MYLK: variants seen among roughly 807,000 people sequenced by gnomAD.
MYLK encodes myosin light chain kinase, smooth muscle.
A neutral mutation model predicts 203.4 loss-of-function variants in MYLK; 106 were observed. The ratio of observed to expected loss-of-function variants is 0.52; its 90% CI spans 0.45 to 0.61. The LOEUF is 0.61. Ranked by LOEUF, MYLK falls within the 20% of genes least tolerant of loss-of-function variation. MYLK has a pLI of 0.00. For missense variants in MYLK, 2,072 were observed against 2,442.3 expected (o/e 0.85, Z 3.20); for synonymous variants, 867 against 959.5 (o/e 0.90, Z 1.78).
At chr3:123,813,086 C>A (rs565354019) in intron 3 of MYLK, among the ~76,000 whole-genome samples, 1 of 152,308 alleles carries the variant, frequency 6.6e-6, no homozygotes, top group South Asian at 2.1e-4. Context: ...GTAAACAGAG[C>A]CCACTCAGGC....
chr3:123,815,018 C>T (rs1485769601), intron 3 of MYLK, among the ~76,000 whole-genome samples: 1 of 152,130 alleles, frequency 6.6e-6, no homozygotes, highest in African/African-American at 2.4e-5. Context: ...GTCTTGAACT[C>T]CTGACCTCAG....
At chr3:123,812,436 T>C (rs1489866121) in intron 3 of MYLK, among the ~76,000 whole-genome samples, 2 of 152,214 alleles carry the variant, frequency 1.3e-5, no homozygotes, top group Non-Finnish European at 2.9e-5. Flanking sequence ...CTTGCTCAGG[T>C]GTCCTCTCCA....
chr3:123,711,049 C>A (rs1160311800), intron 13 of MYLK, among the ~76,000 whole-genome samples: 1 of 151,924 alleles, frequency 6.6e-6, no homozygotes, highest in Non-Finnish European at 1.5e-5. Context: ...CATGATCACA[C>A]CACTGCACTC....
rs575029238 is a variant in MYLK at position 123,726,991 on chromosome 3, T to A, written c.1517-913A>T. 2.7e-3 allele frequency among the ~76,000 whole-genome samples: 413 copies of A among 152,332 alleles called. 3 individuals are homozygous for A. Among genetic ancestry groups the A allele is most frequent in the African/African-American group, 9.7e-3 (405 of 41,578 alleles). ...AATGTCATATTATACTGCAGGGGTT[T>A]ATGGGCAAGAAAGCTAATAAGATGT... On this transcript the variant is annotated intron_variant, in intron 11 of 33. Transcript: ENST00000360304.
chr3:123,824,166 C>T (rs541734383), intron 3 of MYLK, among the ~76,000 whole-genome samples: 5 of 151,786 alleles, frequency 3.3e-5, no homozygotes, highest in South Asian at 4.2e-4. Flanking sequence ...CTCAGCTCGC[C>T]GCAACCTCTG....
chr3:123,773,017 T>C (rs971011604), intron 4 of MYLK, among the ~76,000 whole-genome samples: 1 of 152,084 alleles, frequency 6.6e-6, no homozygotes, highest in Non-Finnish European at 1.5e-5. Context: ...ATAATTCTAT[T>C]TCTAATATCT....
intron 20 of MYLK, among the ~76,000 whole-genome samples, chr3:123,680,075 G>A (rs1049992418): frequency 3.9e-5 from 6 of 152,204 alleles, no homozygotes; most frequent in African/African-American, 9.7e-5. Context: ...AGCCTGTGCG[G>A]CAGTGGTTTA....
chr3:123,614,402 TATC>T, intron 33 of MYLK, 53 bp from the exon 34 acceptor site: 1 of 1,611,204 alleles, frequency 6.2e-7, no homozygotes, highest in Non-Finnish European at 8.5e-7. Flanking sequence ...CAAAATTTCT[TATC>T]AACTCATGCA....
At chr3:123,790,913 A>G (rs542371937) in intron 4 of MYLK, among the ~76,000 whole-genome samples, 1 of 152,322 alleles carries the variant, frequency 6.6e-6, no homozygotes, top group South Asian at 2.1e-4. Context: ...GGCAGAGGCC[A>G]GGAAGAAGAT....
rs756327280 is a variant in MYLK, at chr3:123,708,885, G to A, written c.1953C>T (p.Pro651=). The change falls in exon 15 of 34, where the codon CCC becomes CCT. Residue 651 remains proline (P), a synonymous_variant. Transcript: ENST00000360304. ...TMTVQVSGNP[P]PEVIWLHNGN... ...CATTGTGCAGCCAGATGACTTCAGGGGGTGGATTCCCTGAACCAGGAGGAG... is the reference window on the plus strand; with the variant it reads ...CATTGTGCAGCCAGATGACTTCAGGAGGTGGATTCCCTGAACCAGGAGGAG... The A allele has an allele frequency of 1.5e-5, 25 of 1,613,976 alleles. No homozygotes were observed. The South Asian group carries it at 2.2e-4, about 14-fold the overall frequency.
intron 3 of MYLK, among the ~76,000 whole-genome samples, chr3:123,817,223 T>C (rs1305128106): frequency 6.6e-6 from 1 of 152,216 alleles, no homozygotes; most frequent in East Asian, 1.9e-4. Context: ...GACTATGCCC[T>C]TTACACTGGG....
Position 123,793,759 on chromosome 3 carries a change from G to A in MYLK, c.83C>T (p.Pro28Leu). The A allele has an allele frequency of 6.2e-7, 1 of 1,613,764 alleles. No individual in the cohort carries two copies. ...SVDPSRVDSM[P>L]LTEAPAFILP... ...AATGAAAGCAGGGGCCTCTGTCAGGGGCATGGAGTCAACTCTTGAGGGATC... is the reference window on the plus strand; with the variant it reads ...AATGAAAGCAGGGGCCTCTGTCAGGAGCATGGAGTCAACTCTTGAGGGATC... Residue 28 changes from proline (P) to leucine (L), a missense_variant, in exon 4 of 34, where the codon CCC becomes CTC. This residue lies in a region of MYLK where 683 missense variants were observed against 643.8 expected (regional missense o/e 1.06). Transcript: ENST00000360304.
rs751323718 is a variant in MYLK at position 123,620,216 on chromosome 3, C to G, written c.5359G>C (p.Glu1787Gln). The part of the protein sequence containing the change: ...PTSPLNAEKL[E>Q]SEEDVSQAFL... ...AGAAACTCCTCCTTACCTTCAGATT[C>G]TAGTTTTTCTGCATTGAGCGGGCTG... Residue 1787 changes from glutamate (E) to glutamine (Q), a missense_variant, in exon 32 of 34, where the codon GAA (glutamate) becomes CAA (glutamine). This residue lies in a region of MYLK where 524 missense variants were observed against 782.4 expected (regional missense o/e 0.67). Transcript: ENST00000360304. The G allele has an allele frequency of 1.2e-6, 2 of 1,613,902 alleles. No individual in the cohort carries two copies. Among genetic ancestry groups the G allele is most frequent in the Admixed American group, 1.7e-5 (1 of 59,986 alleles).
chr3:123,728,242 T>C (rs1417881137), intron 11 of MYLK, among the ~76,000 whole-genome samples: 1 of 152,152 alleles, frequency 6.6e-6, no homozygotes, highest in Non-Finnish European at 1.5e-5. Flanking sequence ...GTGGCTCAAG[T>C]CTTTAATCTC....
chr3:123,634,051 A>G (rs2058544713), intron 29 of MYLK, among the ~76,000 whole-genome samples: 1 of 152,146 alleles, frequency 6.6e-6, no homozygotes, highest in South Asian at 2.1e-4. Flanking sequence ...GGGACCACAC[A>G]TCTGCTGATG....
chr3:123,852,925 T>C (rs2030982120), intron 2 of MYLK, among the ~76,000 whole-genome samples: 1 of 152,156 alleles, frequency 6.6e-6, no homozygotes. Context: ...TCTCCCCATA[T>C]TTGACAACCT....
intron 3 of MYLK, among the ~76,000 whole-genome samples, chr3:123,804,485 C>T (rs1462544750): frequency 6.6e-6 from 1 of 152,172 alleles, no homozygotes; most frequent in Non-Finnish European, 1.5e-5. Context: ...GAAGGAAATG[C>T]ACCTCATGAT....
intron 4 of MYLK, among the ~76,000 whole-genome samples, chr3:123,782,929 T>C (rs1008300618): frequency 1.3e-5 from 2 of 152,226 alleles, no homozygotes; most frequent in African/African-American, 4.8e-5. Context: ...AACACATTGA[T>C]GGATTTTCTA....
rs948854809 is a variant in MYLK at position 123,640,557 on chromosome 3, C to A, written c.4620-53G>T. On this transcript the variant is annotated intron_variant, in intron 27 of 33. Coordinates refer to ENST00000360304, the MANE Select transcript of MYLK (RefSeq NM_053025.4). This position sits in a 1 kb window ranked among gnomAD's most constrained non-coding sequence, Gnocchi z 4.3. ...AGGCCACAGGCTCATGGAGGCCAGG[C>A]TGGCAGGGAGTCTGGCCAGGGTAGG... 8.1e-6 allele frequency: 13 copies of A among 1,601,302 alleles called. No homozygotes were observed. In the African/African-American group the frequency reaches 1.2e-4, roughly 15 times the overall value.
Sources: allele counts gnomAD v4.1 joint callset (sites outside exome capture counted in the v4.1 genomes callset), GRCh38; gene constraint gnomAD v4.1.1; regional missense constraint gnomAD v4.1.1; non-coding constraint Gnocchi (gnomAD v3.1); transcripts MANE v1.5; gene names NCBI Gene and HGNC (gene_info 2026-07-23, HGNC 2026-07-21).